COL19A1: variants seen among roughly 807,000 people sequenced by gnomAD.
COL19A1 encodes collagen alpha-1(XIX) chain.
A neutral mutation model predicts 190.2 loss-of-function variants in COL19A1; 159 were observed. The ratio of observed to expected loss-of-function variants is 0.84; its 90% CI spans 0.73 to 0.95. The LOEUF (loss-of-function observed/expected upper bound fraction) is 0.95. Among genes scored for constraint, COL19A1 ranks in the 40% least tolerant of loss-of-function variants. The pLI is 0.00. For missense variants in COL19A1, 1,418 were observed against 1,431.9 expected, an observed-to-expected ratio of 0.99 and a Z score of 0.16; for synonymous variants, 509 against 458.9, an observed-to-expected ratio of 1.11 and a Z score of -1.39.
chr6:69,938,131 A>T (rs973171292), intron 9 of COL19A1, 31 bp downstream of exon 9: 4 of 1,599,584 alleles, frequency 2.5e-6, no homozygotes, highest in Non-Finnish European at 3.4e-6. Flanking sequence ...GATGGAGAAA[A>T]CAGGGTTTTG....
At chr6:69,892,777 G>A (rs993348862) in intron 2 of COL19A1, among the ~76,000 whole-genome samples, 2 of 152,122 alleles carry the variant, frequency 1.3e-5, no homozygotes, top group African/African-American at 4.8e-5. Context: ...AGGGTATGAG[G>A]CAACTGGGCT....
At chr6:70,170,906 A>G (rs802181) in intron 40 of COL19A1, among the ~76,000 whole-genome samples, 9,161 of 152,232 alleles carry the variant, frequency 0.06, 841 homozygotes, top group African/African-American at 0.2. Flanking sequence ...AGAGAACACA[A>G]TTTGAAAGCT....
intron 20 of COL19A1, 54 bp downstream of exon 20, chr6:70,141,043 T>A (rs1389673389): frequency 6.7e-7 from 1 of 1,484,040 alleles, no homozygotes; most frequent in Non-Finnish European, 9.3e-7. Context: ...GATTTGTTTC[T>A]CTCTGATTTT....
At chr6:70,198,890 G>T (rs1314769861) in intron 48 of COL19A1, among the ~76,000 whole-genome samples, 1 of 152,172 alleles carries the variant, frequency 6.6e-6, no homozygotes, top group Non-Finnish European at 1.5e-5. Flanking sequence ...TCATTTGAAG[G>T]CTTGACTAGG....
At chr6:70,115,825 G>GGTTTTTTTTT (rs1276091598) in intron 16 of COL19A1, among the ~76,000 whole-genome samples, 1 of 117,202 alleles carries the variant, frequency 8.5e-6, no homozygotes, top group Non-Finnish European at 1.7e-5. Context: ...TTGGTGTTTT[G>GGTTTTTTTTT]TTTTTTTTTT....
Position 70,089,516 on chromosome 6 carries a change from G to T in COL19A1, c.1225-12653G>T, listed in dbSNP as rs889904927. Among the ~76,000 whole-genome samples the T allele has an allele frequency of 6.0e-4, 91 of 152,164 alleles. 1 individual carries two copies. The highest frequency in any genetic ancestry group is 1.3e-4 in the Non-Finnish European group (9 of 68,012). On this transcript the variant is annotated intron_variant, in intron 15 of 50. Transcript: ENST00000620364. ...TCTGTGGATGAGTTTAAACATCCTT[G>T]TTTCTCCTGCAAGGTCTTTCACTTG...
At chr6:70,142,149 C>T in intron 22 of COL19A1, 73 bp downstream of exon 22, 1 of 1,322,084 alleles carries the variant, frequency 7.6e-7, no homozygotes, top group Non-Finnish European at 1.1e-6. Context: ...AAACATGGTG[C>T]TTTGGTATGC....
At chr6:69,956,806 A>G (rs1447811730) in intron 9 of COL19A1, among the ~76,000 whole-genome samples, 2 of 152,142 alleles carry the variant, frequency 1.3e-5, no homozygotes, top group Non-Finnish European at 2.9e-5. Flanking sequence ...GAAGTATGAT[A>G]TATTTCAAGT....
chr6:70,003,223 T>C (rs1317245446), intron 11 of COL19A1, among the ~76,000 whole-genome samples: 1 of 152,210 alleles, frequency 6.6e-6, no homozygotes, highest in Non-Finnish European at 1.5e-5. Flanking sequence ...CAAACTTGCT[T>C]GCACTGAGAG....
In COL19A1 at chr6:69,959,983, G is replaced by A. The variant is rs758091055; in HGVS notation, c.937-13G>A. ...TTATGGATCATAAACATTATTCTGT[G>A]TACTTCTTTTAGGGTGAAAATGGTT... On this transcript the variant is annotated splice_polypyrimidine_tract_variant and intron_variant, in intron 9 of 50. Coordinates refer to ENST00000620364, the MANE Select transcript of COL19A1 (RefSeq NM_001858.6). The A allele has an allele frequency of 1.2e-6, 2 of 1,612,120 alleles. No homozygotes were observed. Among genetic ancestry groups the A allele is most frequent in the African/African-American group, 2.7e-5 (2 of 74,822 alleles).
chr6:70,064,378 G>A (rs1181983705), intron 14 of COL19A1, among the ~76,000 whole-genome samples: 1 of 152,140 alleles, frequency 6.6e-6, no homozygotes, highest in Non-Finnish European at 1.5e-5. Context: ...TATCTCAACA[G>A]ATGCAGAAAA....
chr6:69,949,357 A>C (rs1773995224), intron 9 of COL19A1, among the ~76,000 whole-genome samples: 1 of 151,762 alleles, frequency 6.6e-6, no homozygotes, highest in African/African-American at 2.4e-5. Flanking sequence ...TAGCTGTTAA[A>C]GGGGTGTGAC....
chr6:70,068,472 A>G lies in COL19A1; in HGVS notation c.1220A>G (p.Gln407Arg), dbSNP rs761690465. ...GPQGPPGKEG[Q>R]RGRRGKTGPP... The stretch of plus-strand genomic sequence containing the variant: ...CAAGGTCCACCTGGAAAAGAGGGTC[A>G]GAGGGTAAGTAAAGCTGGAACAACT... The change falls in exon 15 of 51, where the codon CAG becomes CGG. Residue 407 changes from glutamine to arginine, a missense_variant. Transcript: ENST00000620364. The G allele has an allele frequency of 6.3e-7, 1 of 1,595,834 alleles. No homozygotes were observed.
intron 15 of COL19A1, among the ~76,000 whole-genome samples, chr6:70,099,960 G>A (rs754358603): frequency 1.3e-5 from 2 of 152,106 alleles, no homozygotes; most frequent in Middle Eastern, 3.2e-3. Flanking sequence ...CCTGAATCTT[G>A]GATGCTTTTT....
intron 48 of COL19A1, among the ~76,000 whole-genome samples, chr6:70,194,882 C>T (rs1767093151): frequency 6.6e-6 from 1 of 151,920 alleles, no homozygotes; most frequent in Non-Finnish European, 1.5e-5. Flanking sequence ...TATTCCCGAA[C>T]AATGTTTCTG....
intron 9 of COL19A1, among the ~76,000 whole-genome samples, chr6:69,956,451 T>A (rs1774426481): frequency 6.6e-6 from 1 of 151,764 alleles, no homozygotes; most frequent in Non-Finnish European, 1.5e-5. Context: ...AAGGAAAAAA[T>A]TCTCCCCTTG....
chr6:70,064,725 C>A (rs1292005679), intron 14 of COL19A1, among the ~76,000 whole-genome samples: 2 of 152,086 alleles, frequency 1.3e-5, no homozygotes, highest in Non-Finnish European at 2.9e-5. Flanking sequence ...TCGTCTCAGC[C>A]CAAAATCTCC....
intron 11 of COL19A1, among the ~76,000 whole-genome samples, chr6:69,978,498 G>A (rs1218860509): frequency 2.0e-5 from 3 of 151,520 alleles, no homozygotes; most frequent in East Asian, 1.9e-4. Flanking sequence ...CAATAACCCC[G>A]GAACCAAAGA....
At chr6:69,905,238 G>A in intron 4 of COL19A1, among the ~76,000 whole-genome samples, 1 of 152,210 alleles carries the variant, frequency 6.6e-6, no homozygotes, top group East Asian at 1.9e-4. Flanking sequence ...GGGAGTGGGT[G>A]GGTGAGCAGA....
Sources: allele counts gnomAD v4.1 joint callset (sites outside exome capture counted in the v4.1 genomes callset), GRCh38; gene constraint gnomAD v4.1.1; transcripts MANE v1.5; gene names NCBI Gene and HGNC (gene_info 2026-07-23, HGNC 2026-07-21).